Variants in ZNF320 observed in about 807,000 individuals in gnomAD.
ZNF320 encodes the protein zinc finger gene 320.
ZNF320 carries 2 observed loss-of-function variants against 6.8 expected under a neutral mutation model. That is an observed-to-expected ratio of 0.29 (90% CI 0.12 to 0.93). The LOEUF is 0.93. Among genes scored for constraint, ZNF320 ranks in the 40% least tolerant of loss-of-function variants. ZNF320 has a pLI of 0.55. For missense variants in ZNF320, 472 were observed against 611.0 expected (o/e 0.77, Z 2.40); for synonymous variants, 208 against 203.2 (o/e 1.02, Z -0.20).
At chr19:52,859,916 T>C (rs1449970645), downstream of ZNF320, among the ~76,000 whole-genome samples, 2 of 22,374 alleles carry the variant, frequency 8.9e-5, no homozygotes, top group African/African-American at 3.7e-4. Flanking sequence ...TTTTCTTTCT[T>C]TTTTTTTTTT....
chr19:52,885,394 A>T (rs2064044146), intron 5 of ZNF320, among the ~76,000 whole-genome samples: 1 of 152,086 alleles, frequency 6.6e-6, no homozygotes, highest in Non-Finnish European at 1.5e-5. Flanking sequence ...CAGCCTGGAC[A>T]ACAAGGAGTA....
downstream of ZNF320, among the ~76,000 whole-genome samples, chr19:52,859,963 A>C (rs1409122045): frequency 4.0e-5 from 6 of 149,962 alleles, no homozygotes; most frequent in African/African-American, 1.5e-4. Context: ...CCCAGGCTGG[A>C]ATGCAGTGGC....
At chr19:52,873,927 A>G, downstream of ZNF320, 1 of 386,644 alleles carries the variant, frequency 2.6e-6, no homozygotes, top group East Asian at 7.4e-5. Flanking sequence ...GAGACTGACT[A>G]CTACAATACC....
At chr19:52,866,918 G>A (rs915971918) in intron 5 of ZNF320, among the ~76,000 whole-genome samples, 4 of 150,118 alleles carry the variant, frequency 2.7e-5, no homozygotes, top group South Asian at 2.1e-4. Context: ...AGTGTCAGAC[G>A]GCTGAATTAT....
chr19:52,882,087 C>T, intron 5 of ZNF320, 104 bp from the exon 6 acceptor site: 2 of 1,192,112 alleles, frequency 1.7e-6, no homozygotes, highest in Non-Finnish European at 2.3e-6. Context: ...TTTTAAACTT[C>T]CCAAACATGA....
At chr19:52,874,011 G>C, downstream of ZNF320, 2 of 463,230 alleles carry the variant, frequency 4.3e-6, no homozygotes, top group Admixed American at 2.5e-5. Flanking sequence ...AGCCATCCCT[G>C]GCTCCTTTTC....
chr19:52,872,996 C>T (rs2063706936), downstream of ZNF320, among the ~76,000 whole-genome samples: 1 of 152,188 alleles, frequency 6.6e-6, no homozygotes, highest in African/African-American at 2.4e-5. Context: ...ACACAAACAT[C>T]TCAGTGCAGT....
At chr19:52,859,918 T>C (rs1317341613), downstream of ZNF320, among the ~76,000 whole-genome samples, 2 of 150,656 alleles carry the variant, frequency 1.3e-5, no homozygotes, top group East Asian at 1.9e-4. Flanking sequence ...TTCTTTCTTT[T>C]TTTTTTTTTT....
chr19:52,866,663 GA>G (rs2063578105), intron 5 of ZNF320, among the ~76,000 whole-genome samples: 1 of 152,084 alleles, frequency 6.6e-6, no homozygotes, highest in African/African-American at 2.4e-5. Context: ...TTGAGGCCAG[GA>G]GTTTGAGACC....
intron 2 of ZNF320, among the ~76,000 whole-genome samples, chr19:52,892,806 G>A (rs1268652171): frequency 5.3e-5 from 8 of 151,180 alleles, no homozygotes; most frequent in East Asian, 3.9e-4. Flanking sequence ...CCTCCCTGCT[G>A]TGCTTCTCCC....
In ZNF320 at chr19:52,881,223, A is replaced by G; in HGVS notation, c.903T>C (p.Tyr301=). The part of the protein sequence containing the change: ...HKAVHTAEKP[Y]KCNECGKVFK... Reference sequence around the variant, plus strand: ...AAACCTTGCCACATTCATTACACTTATAGGGTTTCTCTGCAGTATGAACTG... The same window carrying G: ...AAACCTTGCCACATTCATTACACTTGTAGGGTTTCTCTGCAGTATGAACTG... The change falls in exon 6 of 6, where the codon TAT becomes TAC. Residue 301 remains tyrosine, a synonymous_variant. Transcript: ENST00000682928. 1 of 1,613,350 alleles carries G rather than the reference A, an allele frequency of 6.2e-7. No individual in the cohort carries two copies. Among genetic ancestry groups the G allele is most frequent in the Non-Finnish European group, 8.5e-7 (1 of 1,179,862 alleles).
At chr19:52,869,145 A>C in intron 5 of ZNF320, among the ~76,000 whole-genome samples, 2 of 152,098 alleles carry the variant, frequency 1.3e-5, no homozygotes, top group Non-Finnish European at 2.9e-5. Flanking sequence ...CCAAATCTTG[A>C]GCTTGGAAGA....
Position 52,865,725 on chromosome 19 carries a change from TTA to T in ZNF320, c.224-1568_224-1567del, listed in dbSNP as rs1210132039. Reference sequence around the variant, plus strand: ...TATTTATATATGATTATACACATATTTATATATATGATTATACACATATATTT... The same window carrying T: ...TATTTATATATGATTATACACATATTTATATATGATTATACACATATATTT... On this transcript the variant is annotated intron_variant, in intron 5 of 5. Coordinates refer to the ZNF320 transcript ENST00000673631. Among the ~76,000 whole-genome samples, 9 of 110,696 alleles carry T rather than the reference TTA, an allele frequency of 8.1e-5. No individual in the cohort carries two copies. The South Asian group carries it at 1.3e-3, about 16-fold the overall frequency. The allele number at this position is 110,696 out of a possible 152,430, so 72.6% of individuals were successfully genotyped here.
chr19:52,863,250 C>T (rs1396024078), exon 6 of ZNF320, among the ~76,000 whole-genome samples: 2 of 151,974 alleles, frequency 1.3e-5, no homozygotes, highest in African/African-American at 2.4e-5. Flanking sequence ...ATATATAACA[C>T]ATAGAAATGA....
At chr19:52,903,670 T>C in the ZNF320 span, among the ~76,000 whole-genome samples, 3 of 151,074 alleles carry the variant, frequency 2.0e-5, no homozygotes, top group Non-Finnish European at 4.4e-5. Flanking sequence ...AACATATTTC[T>C]TAGTGGGGTG....
chr19:52,897,428 A>T (rs2064509630), intron 1 of ZNF320, 92 bp downstream of exon 1: 1 of 152,264 alleles, frequency 6.6e-6, no homozygotes, highest in Non-Finnish European at 1.5e-5. Flanking sequence ...ATTCCGCGAT[A>T]GGAGGTGTCT....
chr19:52,880,480 T>C lies in ZNF320; in HGVS notation c.*116A>G. ...CCTCTCAAAGTGCTGGGATTACAGGTGTGAGACACCACGCCTGGCCCAATC... is the reference window on the plus strand; with the variant it reads ...CCTCTCAAAGTGCTGGGATTACAGGCGTGAGACACCACGCCTGGCCCAATC... On this transcript the variant is annotated 3_prime_UTR_variant, in exon 6 of 6. Coordinates refer to ENST00000682928, the MANE Select transcript of ZNF320 (RefSeq NM_001351774.2). 1 of 1,032,812 alleles carries C rather than the reference T, an allele frequency of 9.7e-7. No individual in the cohort carries two copies. Among genetic ancestry groups the C allele is most frequent in the Non-Finnish European group, 1.4e-6 (1 of 715,568 alleles). The allele number at this position is 1,032,812 out of a possible 1,614,324, so 64.0% of individuals were successfully genotyped here.
Position 52,881,552 on chromosome 19 carries a change from TA to T in ZNF320, c.573del (p.Cys191Ter). The T allele has an allele frequency of 6.2e-7, 1 of 1,614,110 alleles. No individual in the cohort carries two copies. The highest frequency in any genetic ancestry group is 2.2e-5 in the East Asian group (1 of 44,860). On this transcript the variant is annotated frameshift_variant, in exon 6 of 6. Coordinates refer to ENST00000682928, the MANE Select transcript of ZNF320 (RefSeq NM_001351774.2). LOFTEE classifies it low-confidence loss of function (END_TRUNC). ...TGCTTAAAAGCCTTGTCGCAAACCTTACATTTGTATGGTTTCTCTCCAGTAT... is the reference window on the plus strand; with the variant it reads ...TGCTTAAAAGCCTTGTCGCAAACCTTCATTTGTATGGTTTCTCTCCAGTAT... ...IIHTGEKPYKCKVCDKAFKHD... is the reference protein window; with the variant it reads ...IIHTGEKPYKXKVCDKAFKHD...
chr19:52,882,632 G>C (rs2063957246), intron 5 of ZNF320, among the ~76,000 whole-genome samples: 1 of 152,122 alleles, frequency 6.6e-6, no homozygotes, highest in Admixed American at 6.5e-5. Context: ...GGGTGACAAA[G>C]TGAGACTCTG....
Sources: gnomAD v4.1 joint callset for allele counts (sites outside exome capture counted in the v4.1 genomes callset) on GRCh38, gnomAD v4.1.1 for gene constraint, MANE v1.5 for transcripts, NCBI Gene and HGNC (gene_info 2026-07-23, HGNC 2026-07-21) for gene names.